Variants in ZNF846 observed in about 807,000 individuals in gnomAD.
ZNF846 encodes the protein zinc finger protein 846, also known as zinc finger protein 420 pseudogene.
A neutral mutation model predicts 16.0 loss-of-function variants in ZNF846; 15 were observed. That is an observed-to-expected ratio of 0.94 (90% confidence interval 0.63 to 1.45). ZNF846 has a LOEUF of 1.45. ZNF846 is among the 40% of genes most tolerant of loss of function. The probability of loss-of-function intolerance (pLI) is 0.00; values close to 1 mark genes in which losing one functional copy is unlikely to be tolerated. For missense variants in ZNF846, 714 were observed against 622.3 expected (o/e 1.15, Z -1.57); for synonymous variants, 229 against 212.0 (o/e 1.08, Z -0.70).
chr19:9,758,660 C>T, exon 6 of ZNF846: 2 of 1,613,048 alleles, frequency 1.2e-6, no homozygotes, highest in Non-Finnish European at 1.7e-6. Flanking sequence ...CAGAAGTTTT[C>T]TCTCCAATGT....
At chr19:9,782,280 T>C (rs1395816412) in intron 1 of ZNF846, among the ~76,000 whole-genome samples, 2 of 152,122 alleles carry the variant, frequency 1.3e-5, no homozygotes, top group East Asian at 3.8e-4. Context: ...TTTCTCTTTT[T>C]TATTAGACAG....
chr19:9,779,622 G>C (rs1033644324), intron 1 of ZNF846, among the ~76,000 whole-genome samples: 1 of 150,934 alleles, frequency 6.6e-6, no homozygotes, highest in Non-Finnish European at 1.5e-5. Context: ...CCAGGCTAGA[G>C]TGTAATGGCG....
At chr19:9,772,841 G>A (rs1299653511), upstream of ZNF846, among the ~76,000 whole-genome samples, 1 of 152,106 alleles carries the variant, frequency 6.6e-6, no homozygotes, top group East Asian at 1.9e-4. Flanking sequence ...GGGAGGCTGA[G>A]GTGGAGGTTG....
intron 1 of ZNF846, among the ~76,000 whole-genome samples, chr19:9,765,586 T>C (rs2045302559): frequency 6.6e-6 from 1 of 151,932 alleles, no homozygotes; most frequent in South Asian, 2.1e-4. Context: ...GGAAACAGAA[T>C]AGCATGAACC....
At chr19:9,761,508 C>A (rs759815941) in intron 4 of ZNF846, among the ~76,000 whole-genome samples, 37 of 151,452 alleles carry the variant, frequency 2.4e-4, no homozygotes, top group Non-Finnish European at 4.9e-4. Context: ...GTCAGGAGTT[C>A]GAGAACAGCC....
chr19:9,784,883 A>G (rs571576617), intron 1 of ZNF846, among the ~76,000 whole-genome samples: 3 of 152,308 alleles, frequency 2.0e-5, no homozygotes, highest in African/African-American at 7.2e-5. Flanking sequence ...AACACAGCAC[A>G]TGTTTTTGCA....
chr19:9,751,434 G>A (rs1160514758), downstream of ZNF846, among the ~76,000 whole-genome samples: 1 of 151,990 alleles, frequency 6.6e-6, no homozygotes, highest in African/African-American at 2.4e-5. Flanking sequence ...AAGGTCCTCT[G>A]AGCTGGCCGC....
At chr19:9,751,693 C>T (rs2045085001), downstream of ZNF846, among the ~76,000 whole-genome samples, 1 of 151,962 alleles carries the variant, frequency 6.6e-6, no homozygotes, top group South Asian at 2.1e-4. Context: ...TGTAACATTC[C>T]TCCCTGCCTT....
chr19:9,773,860 G>A (rs2045410011), intron 1 of ZNF846, among the ~76,000 whole-genome samples: 1 of 152,280 alleles, frequency 6.6e-6, no homozygotes, highest in South Asian at 2.1e-4. Context: ...TGCAGATGAT[G>A]TGATATTATA....
At position 9,777,843 on chromosome 19, in the gene ZNF846, C is replaced by CA. The variant is rs199517732; in HGVS notation, c.-86+8094dup. Among the ~76,000 whole-genome samples the CA allele has an allele frequency of 1.0e-3, 152 of 149,956 alleles. 1 individual carries two copies. In the East Asian group the frequency reaches 0.015, roughly 15 times the overall value. On this transcript the variant is annotated intron_variant, in intron 1 of 4. Transcript: ENST00000586814. Reference sequence around the variant, plus strand: ...AAAACCCCATCTCTACTAAAAAATACAAAAAAAAAGCCAGACTAAAACTTG... The same window carrying CA: ...AAAACCCCATCTCTACTAAAAAATACAAAAAAAAAAGCCAGACTAAAACTTG...
upstream of ZNF846, among the ~76,000 whole-genome samples, chr19:9,770,817 T>A (rs1243238092): frequency 6.6e-6 from 1 of 151,770 alleles, no homozygotes; most frequent in Non-Finnish European, 1.5e-5. Context: ...TGCAGTGAGC[T>A]GAGATGGCGC....
intron 1 of ZNF846, among the ~76,000 whole-genome samples, chr19:9,765,789 G>T (rs140211853): frequency 6.4e-4 from 97 of 151,950 alleles, no homozygotes; most frequent in South Asian, 1.2e-3. Flanking sequence ...TACTCTAATT[G>T]TCCAGGGGGT....
intron 1 of ZNF846, among the ~76,000 whole-genome samples, chr19:9,767,979 T>A (rs2045344187): frequency 6.6e-6 from 1 of 152,024 alleles, no homozygotes; most frequent in African/African-American, 2.4e-5. Flanking sequence ...TCAAAACATG[T>A]CTCTTTCACA....
intron 3 of ZNF846, 60 bp downstream of exon 3, chr19:9,763,222 A>G (rs1465792245): frequency 2.0e-6 from 3 of 1,471,762 alleles, no homozygotes; most frequent in Non-Finnish European, 2.7e-6. Flanking sequence ...ATTTGACAGC[A>G]AACATTTAAG....
intron 1 of ZNF846, among the ~76,000 whole-genome samples, chr19:9,783,566 T>TATATATATATATA (rs2045527859): frequency 1.4e-5 from 2 of 144,978 alleles, no homozygotes; most frequent in Non-Finnish European, 3.0e-5. Flanking sequence ...TATATATATA[T>TATATATATATATA]TCTTTAAAAG....
chr19:9,770,684 A>G (rs1568327890), upstream of ZNF846, among the ~76,000 whole-genome samples: 2 of 151,984 alleles, frequency 1.3e-5, no homozygotes, highest in African/African-American at 2.4e-5. Flanking sequence ...CCTGGCCAAC[A>G]TGGTGAAACA....
upstream of ZNF846, among the ~76,000 whole-genome samples, chr19:9,773,553 G>A (rs1227302372): frequency 1.3e-5 from 2 of 152,114 alleles, no homozygotes; most frequent in East Asian, 3.9e-4. Context: ...AGGCCAAGGT[G>A]GGAGGATCAC....
intron 4 of ZNF846, among the ~76,000 whole-genome samples, chr19:9,761,575 G>C (rs2045229421): frequency 6.6e-6 from 1 of 151,904 alleles, no homozygotes; most frequent in African/African-American, 2.4e-5. Flanking sequence ...GTTGGGCGTG[G>C]TGTCAGGTGC....
intron 1 of ZNF846, among the ~76,000 whole-genome samples, chr19:9,780,344 C>T (rs780187247): frequency 3.3e-5 from 5 of 152,146 alleles, no homozygotes; most frequent in African/African-American, 1.2e-4. Context: ...ACTAGGACTA[C>T]AGGCATGTGC....
Sources: allele counts gnomAD v4.1 joint callset (sites outside exome capture counted in the v4.1 genomes callset), GRCh38; gene constraint gnomAD v4.1.1; transcripts MANE v1.5; gene names NCBI Gene and HGNC (gene_info 2026-07-23, HGNC 2026-07-21).